The following HCN1 variants were observed in gnomAD, a reference collection of about 807,000 sequenced individuals.
HCN1 encodes the protein potassium/sodium hyperpolarization-activated cyclic nucleotide-gated channel 1.
In HCN1, 13 loss-of-function variants were observed where a neutral mutation model predicts 78.9. That is an observed-to-expected ratio of 0.16 (90% CI 0.11 to 0.26). The LOEUF is 0.26. HCN1 is among the 10% of genes least tolerant of loss of function. HCN1 has a pLI of 1.00. For missense variants in HCN1, 810 were observed against 1,154.3 expected, an observed-to-expected ratio of 0.70 and a Z score of 4.32; for synonymous variants, 552 against 455.5, an observed-to-expected ratio of 1.21 and a Z score of -2.70.
At position 45,310,969 on chromosome 5, in the gene HCN1, C is replaced by T. The variant is rs373351498; in HGVS notation, c.1378-7130G>A. ...ACAAGTGGTTGCTAACTGATGAGAA[C>T]ACATGGACATACAGAGAGGAACAAC... On this transcript the variant is annotated intron_variant, in intron 5 of 7. Coordinates refer to ENST00000303230, the MANE Select transcript of HCN1 (RefSeq NM_021072.4). 4.1e-4 allele frequency among the ~76,000 whole-genome samples: 62 copies of T among 152,192 alleles called. 1 individual carries two copies. In the South Asian group the frequency reaches 0.012, roughly 30 times the overall value.
chr5:45,399,336 C>A (rs1739749027), intron 3 of HCN1, among the ~76,000 whole-genome samples: 1 of 152,188 alleles, frequency 6.6e-6, no homozygotes, highest in Admixed American at 6.5e-5. Context: ...TGTGATGCTG[C>A]CATCCTGCAG....
At chr5:45,416,461 G>A (rs533619707) in intron 3 of HCN1, among the ~76,000 whole-genome samples, 1 of 152,076 alleles carries the variant, frequency 6.6e-6, no homozygotes, top group South Asian at 2.1e-4. Context: ...AACCTGACAA[G>A]CTACACAGCA....
At chr5:45,691,985 A>G (rs1380575488) in intron 1 of HCN1, among the ~76,000 whole-genome samples, 2 of 152,184 alleles carry the variant, frequency 1.3e-5, no homozygotes, top group East Asian at 1.9e-4. Flanking sequence ...AAAAAATAAG[A>G]AGTCAAGATA....
At chr5:45,480,519 A>T (rs907875889) in intron 2 of HCN1, among the ~76,000 whole-genome samples, 7 of 152,194 alleles carry the variant, frequency 4.6e-5, no homozygotes, top group South Asian at 2.1e-4. Flanking sequence ...CAGCCTTCAA[A>T]AAAGAAAGGG....
chr5:45,645,179 T>C lies in HCN1; in HGVS notation c.849+6A>G, dbSNP rs1263067162. On this transcript the variant is annotated splice_donor_region_variant and intron_variant, in intron 2 of 7. Transcript: ENST00000303230. ...TAGATTTAAAAAAGAAAAAGATGCATCTTACCTCTTCCCATTGATGTATGT... is the reference window on the plus strand; with the variant it reads ...TAGATTTAAAAAAGAAAAAGATGCACCTTACCTCTTCCCATTGATGTATGT... 1 of 1,598,646 alleles carries C rather than the reference T, an allele frequency of 6.3e-7. No homozygotes were observed. Among genetic ancestry groups the C allele is most frequent in the Non-Finnish European group, 8.6e-7 (1 of 1,167,270 alleles).
intron 2 of HCN1, among the ~76,000 whole-genome samples, chr5:45,604,632 A>T (rs1015688805): frequency 6.6e-6 from 1 of 151,962 alleles, no homozygotes; most frequent in Non-Finnish European, 1.5e-5. Context: ...CAACCTTTTT[A>T]AAAAAATGAT....
chr5:45,419,706 C>T (rs1028772428), intron 3 of HCN1, among the ~76,000 whole-genome samples: 1 of 152,124 alleles, frequency 6.6e-6, no homozygotes. Flanking sequence ...TACTGGGGCT[C>T]CCGCTTTGAA....
chr5:45,626,058 C>T lies in HCN1; in HGVS notation c.849+19127G>A, dbSNP rs75015862. Among the ~76,000 whole-genome samples the T allele has an allele frequency of 5.0e-3, 754 of 152,244 alleles. 4 individuals are homozygous for T. In the Middle Eastern group the frequency reaches 0.054, roughly 11 times the overall value. ...TAGCTCCTTCAGTCTTTACAACGTT[C>T]CTATGAGTTATCTATTCTTAACCCT... On this transcript the variant is annotated intron_variant, in intron 2 of 7. Transcript: ENST00000303230.
At chr5:45,693,585 T>C (rs1344413606) in intron 1 of HCN1, among the ~76,000 whole-genome samples, 1 of 152,136 alleles carries the variant, frequency 6.6e-6, no homozygotes, top group East Asian at 1.9e-4. Flanking sequence ...ATTTGTTCCT[T>C]TGTTCAGTAA....
chr5:45,286,801 T>C (rs995020832), intron 6 of HCN1, among the ~76,000 whole-genome samples: 3 of 152,066 alleles, frequency 2.0e-5, no homozygotes, highest in African/African-American at 7.2e-5. Context: ...TTAAAATTAC[T>C]TCTGGCATTT....
intron 2 of HCN1, among the ~76,000 whole-genome samples, chr5:45,615,603 A>C (rs1744928821): frequency 6.6e-6 from 1 of 152,000 alleles, no homozygotes; most frequent in South Asian, 2.1e-4. Flanking sequence ...GCCCCTTGAT[A>C]AAATTTGTTA....
intron 3 of HCN1, among the ~76,000 whole-genome samples, chr5:45,438,758 G>A (rs1208896616): frequency 6.6e-6 from 1 of 152,016 alleles, no homozygotes; most frequent in African/African-American, 2.4e-5. Context: ...ATACTTTGGA[G>A]TTAGTAAAAA....
rs143784665 is a variant in HCN1 at position 45,390,477 on chromosome 5, A to C, written c.1230+6015T>G. Among the ~76,000 whole-genome samples, 12 of 151,998 alleles carry C rather than the reference A, an allele frequency of 7.9e-5. No homozygotes were observed. In the East Asian group the frequency reaches 1.9e-3, roughly 24 times the overall value. ...AGCTCTACTTTAGAGCTATAAAAAGAAGCTAACATATGTGCTGTAAAAAAT... is the reference window on the plus strand; with the variant it reads ...AGCTCTACTTTAGAGCTATAAAAAGCAGCTAACATATGTGCTGTAAAAAAT... On this transcript the variant is annotated intron_variant, in intron 4 of 7. Coordinates refer to ENST00000303230, the MANE Select transcript of HCN1 (RefSeq NM_021072.4).
intron 2 of HCN1, among the ~76,000 whole-genome samples, chr5:45,535,371 G>A (rs1043000006): frequency 5.3e-5 from 8 of 152,186 alleles, no homozygotes; most frequent in African/African-American, 1.9e-4. Flanking sequence ...GCCAAGGTGG[G>A]CGGATCACTT....
Position 45,504,562 on chromosome 5 carries a change from G to A in HCN1, c.850-42555C>T, listed in dbSNP as rs571960987. ...GTGAATAGTGCCGCAATAAACATAC[G>A]TGTGCATGTGTCTTTATAGCAGCAT... is the stretch of plus-strand genomic sequence containing the variant. On this transcript the variant is annotated intron_variant, in intron 2 of 7. Coordinates refer to ENST00000303230, the MANE Select transcript of HCN1 (RefSeq NM_021072.4). Among the ~76,000 whole-genome samples, 264 of 152,176 alleles carry A rather than the reference G, an allele frequency of 1.7e-3. 1 individual carries two copies. Among genetic ancestry groups the A allele is most frequent in the African/African-American group, 5.8e-3 (239 of 41,530 alleles).
intron 2 of HCN1, among the ~76,000 whole-genome samples, chr5:45,599,060 T>C (rs981670847): frequency 3.9e-5 from 6 of 152,176 alleles, no homozygotes; most frequent in Admixed American, 3.9e-4. Flanking sequence ...GATCCCTTTA[T>C]TGGGTACATA....
At chr5:45,650,005 AAAAAC>A (rs1232030493) in intron 1 of HCN1, among the ~76,000 whole-genome samples, 2 of 152,102 alleles carry the variant, frequency 1.3e-5, no homozygotes, top group Non-Finnish European at 2.9e-5. Flanking sequence ...TAGATATCTA[AAAAAC>A]AAAAGAGTTG....
At chr5:45,455,746 A>C (rs934379009) in intron 3 of HCN1, among the ~76,000 whole-genome samples, 2 of 138,618 alleles carry the variant, frequency 1.4e-5, no homozygotes, top group Admixed American at 7.8e-5. Context: ...AAATTAAGAC[A>C]TGCTTCTGGA....
chr5:45,511,475 A>G (rs982539500), intron 2 of HCN1, among the ~76,000 whole-genome samples: 1 of 152,070 alleles, frequency 6.6e-6, no homozygotes, highest in African/African-American at 2.4e-5. Context: ...GATGAAGGTT[A>G]ACTTCAATGA....
Sources: gnomAD v4.1 joint callset for allele counts (sites outside exome capture counted in the v4.1 genomes callset) on GRCh38, gnomAD v4.1.1 for gene constraint, MANE v1.5 for transcripts, NCBI Gene and HGNC (gene_info 2026-07-23, HGNC 2026-07-21) for gene names.